SLC30A9: variants seen among roughly 807,000 people sequenced by gnomAD.
The protein encoded by SLC30A9 is proton-coupled zinc antiporter SLC30A9, mitochondrial.
A neutral mutation model predicts 87.5 loss-of-function variants in SLC30A9; 58 were observed. That is an observed-to-expected ratio of 0.66 (90% CI 0.54 to 0.82). The LOEUF is 0.82. SLC30A9 is among the 40% of genes least tolerant of loss of function. SLC30A9 has a pLI of 0.00. For synonymous variants in SLC30A9, 234 were observed against 233.0 expected (o/e 1.00, Z -0.04); for missense variants, 557 against 679.1 (o/e 0.82, Z 2.00).
chr4:42,020,533 T>G lies in SLC30A9; in HGVS notation c.434+18T>G, dbSNP rs1347740250. ...AAATCCAGGTAATTTTTTTAAAAAA[T>G]GTAGCCGTGTGTCATATCTAAATAA... On this transcript the variant is annotated intron_variant, in intron 4 of 17. Coordinates refer to ENST00000264451, the MANE Select transcript of SLC30A9 (RefSeq NM_006345.4). The G allele has an allele frequency of 7.7e-7, 1 of 1,293,544 alleles. No homozygotes were observed. The highest frequency in any genetic ancestry group is 2.3e-5 in the East Asian group (1 of 42,618). The allele number at this position is 1,293,544 out of a possible 1,614,324, so 80.1% of individuals were successfully genotyped here.
At chr4:41,994,465 G>T (rs1428335002) in intron 1 of SLC30A9, among the ~76,000 whole-genome samples, 7 of 151,120 alleles carry the variant, frequency 4.6e-5, no homozygotes, top group Non-Finnish European at 1.0e-4. Flanking sequence ...AAAAATTTGA[G>T]AGGGGAAGAC....
At chr4:42,022,097 G>A (rs1414472466) in intron 4 of SLC30A9, among the ~76,000 whole-genome samples, 2 of 75,618 alleles carry the variant, frequency 2.6e-5, no homozygotes, top group Non-Finnish European at 3.9e-5. Flanking sequence ...CACCACGCCC[G>A]GCTAATTTTT....
intron 1 of SLC30A9, among the ~76,000 whole-genome samples, chr4:41,999,307 G>T (rs1271186826): frequency 3.3e-5 from 5 of 152,266 alleles, no homozygotes; most frequent in African/African-American, 1.2e-4. Context: ...ATAAATGATG[G>T]ATATTTTCTC....
chr4:41,994,185 G>A (rs771241181), intron 1 of SLC30A9, among the ~76,000 whole-genome samples: 2 of 151,984 alleles, frequency 1.3e-5, no homozygotes, highest in Non-Finnish European at 2.9e-5. Context: ...TAATTTAGAA[G>A]AATAGTGACA....
At chr4:42,004,962 AT>A (rs1715141333) in intron 2 of SLC30A9, among the ~76,000 whole-genome samples, 1 of 151,710 alleles carries the variant, frequency 6.6e-6, no homozygotes, top group East Asian at 1.9e-4. Context: ...CATATTTTTC[AT>A]TTCTAGAAAT....
chr4:42,066,541 T>G lies in SLC30A9; in HGVS notation c.1073-9T>G, dbSNP rs1420061140. 1 of 1,590,466 alleles carries G rather than the reference T, an allele frequency of 6.3e-7. No homozygotes were observed. The highest frequency in any genetic ancestry group is 8.6e-7 in the Non-Finnish European group (1 of 1,164,984). ...TTCTGTCTTGCTGATATGAATGCTTTTCTTTTAGCAACACTTCTTGTTGCT... is the reference window on the plus strand; with the variant it reads ...TTCTGTCTTGCTGATATGAATGCTTGTCTTTTAGCAACACTTCTTGTTGCT... On this transcript the variant is annotated splice_polypyrimidine_tract_variant and intron_variant, in intron 12 of 17. Coordinates refer to ENST00000264451, the MANE Select transcript of SLC30A9 (RefSeq NM_006345.4).
rs1438120785 is a variant in SLC30A9 at position 42,066,592 on chromosome 4, G to A, written c.1115G>A (p.Arg372Gln). 12 of 1,605,324 alleles carry A rather than the reference G, an allele frequency of 7.5e-6. No homozygotes were observed. The highest frequency in any genetic ancestry group is 3.3e-4 in the Middle Eastern group (2 of 6,022). Residue 372 changes from arginine to glutamine, a missense_variant, in exon 13 of 18, where the codon CGG (arginine) becomes CAG (glutamine). By Grantham distance (43) the Arg-to-Gln change is conservative (BLOSUM62 1). Transcript: ENST00000264451. ...VAVNELRRNA[R>Q]AKGMSFYKYV... Reference sequence around the variant, plus strand: ...GTAAATGAACTTCGTAGGAATGCTCGGGCTAAAGGAATGTCATTTTACAAG... The same window carrying A: ...GTAAATGAACTTCGTAGGAATGCTCAGGCTAAAGGAATGTCATTTTACAAG...
chr4:42,006,390 A>C (rs1014963941), intron 2 of SLC30A9, among the ~76,000 whole-genome samples: 7 of 152,102 alleles, frequency 4.6e-5, no homozygotes, highest in African/African-American at 1.7e-4. Flanking sequence ...GGAGACATGA[A>C]AGAAAAGTAG....
intron 9 of SLC30A9, 78 bp downstream of exon 9, chr4:42,049,557 A>G (rs1717305819): frequency 2.7e-6 from 2 of 733,300 alleles, no homozygotes; most frequent in East Asian, 2.8e-5. Flanking sequence ...GATCTATTTT[A>G]AAACTGAATG....
chr4:42,050,979 T>C (rs909068165), intron 9 of SLC30A9, among the ~76,000 whole-genome samples: 2 of 152,158 alleles, frequency 1.3e-5, no homozygotes, highest in African/African-American at 4.8e-5. Context: ...GAAGTCTACA[T>C]AGGGATTTCC....
intron 6 of SLC30A9, 95 bp from the exon 7 acceptor site, chr4:42,035,180 C>G (rs1406325382): frequency 8.1e-7 from 1 of 1,234,080 alleles, no homozygotes; most frequent in East Asian, 2.5e-5. Context: ...GCTAGTAGCG[C>G]ATATTTAACA....
At chr4:42,030,198 A>G (rs1309242037) in intron 6 of SLC30A9, 2 of 439,472 alleles carry the variant, frequency 4.6e-6, no homozygotes, top group East Asian at 1.3e-4. Flanking sequence ...AGTCTTGAAC[A>G]AACTGTCATA....
chr4:42,001,523 A>G (rs1714982987), intron 1 of SLC30A9, 93 bp from the exon 2 acceptor site: 2 of 602,344 alleles, frequency 3.3e-6, no homozygotes, highest in Non-Finnish European at 5.6e-6. Context: ...TGTACCTAGA[A>G]GCAGTGAAAC....
At chr4:42,000,765 C>G (rs534994335) in intron 1 of SLC30A9, among the ~76,000 whole-genome samples, 2 of 151,976 alleles carry the variant, frequency 1.3e-5, no homozygotes, top group African/African-American at 4.8e-5. Flanking sequence ...TAAGCACTTA[C>G]AAAAGTTTCA....
At chr4:42,025,055 A>G (rs964068960) in intron 6 of SLC30A9, among the ~76,000 whole-genome samples, 1 of 151,938 alleles carries the variant, frequency 6.6e-6, no homozygotes, top group African/African-American at 2.4e-5. Flanking sequence ...AAGTGCAGAG[A>G]AAAACATAAT....
intron 6 of SLC30A9, among the ~76,000 whole-genome samples, chr4:42,032,385 G>A (rs901044499): frequency 1.3e-5 from 2 of 152,134 alleles, no homozygotes; most frequent in Non-Finnish European, 2.9e-5. Context: ...TTAGTAACCT[G>A]GAAAGAAGCT....
chr4:42,060,687 A>G (rs1717807789), intron 10 of SLC30A9, among the ~76,000 whole-genome samples: 1 of 152,134 alleles, frequency 6.6e-6, no homozygotes. Flanking sequence ...AGAATTATTT[A>G]TTTGTAAAAT....
intron 6 of SLC30A9, chr4:42,029,754 A>C: frequency 2.7e-6 from 2 of 729,224 alleles, no homozygotes; most frequent in East Asian, 2.5e-5. Context: ...TATAAAGCTC[A>C]AGTGAGTTCT....
chr4:42,030,574 G>T (rs1009012317), intron 6 of SLC30A9, among the ~76,000 whole-genome samples: 2 of 148,982 alleles, frequency 1.3e-5, no homozygotes, highest in African/African-American at 4.9e-5. Context: ...AATGAAACTG[G>T]CATGGTCTTT....
Sources: gnomAD v4.1 joint callset for allele counts (sites outside exome capture counted in the v4.1 genomes callset) on GRCh38, gnomAD v4.1.1 for gene constraint, MANE v1.5 for transcripts, NCBI Gene and HGNC (gene_info 2026-07-23, HGNC 2026-07-21) for gene names.